Variants in SPTBN1 observed in about 807,000 individuals in gnomAD.
SPTBN1 encodes spectrin beta chain, non-erythrocytic 1.
A neutral mutation model predicts 266.4 loss-of-function variants in SPTBN1; 32 were observed. That is an observed-to-expected ratio of 0.12 (90% CI 0.09 to 0.16). The LOEUF (loss-of-function observed/expected upper bound fraction) is 0.16. Ranked by LOEUF, SPTBN1 falls within the 10% of genes least tolerant of loss-of-function variation. SPTBN1 has a pLI of 1.00. For missense variants in SPTBN1, 2,296 were observed against 3,067.1 expected, an observed-to-expected ratio of 0.75 and a Z score of 5.94; for synonymous variants, 1,336 against 1,162.2, an observed-to-expected ratio of 1.15 and a Z score of -3.04.
At chr2:54,611,829 A>T (rs530851019) in intron 3 of SPTBN1, among the ~76,000 whole-genome samples, 71 of 152,316 alleles carry the variant, frequency 4.7e-4, no homozygotes, top group African/African-American at 1.6e-3. Flanking sequence ...TGCAAAAAAA[A>T]AAAATTGTAT....
In SPTBN1 at chr2:54,664,716, G is replaced by A. The variant is rs1004104990; in HGVS notation, c.6659+25G>A. 1.2e-6 allele frequency: 2 copies of A among 1,608,742 alleles called. No individual in the cohort carries two copies. Among genetic ancestry groups the A allele is most frequent in the South Asian group, 2.2e-5 (2 of 90,988 alleles). On this transcript the variant is annotated intron_variant, in intron 33 of 35. Coordinates refer to ENST00000356805, the MANE Select transcript of SPTBN1 (RefSeq NM_003128.3). The surrounding 1 kb of genome is among the most constrained non-coding windows in gnomAD (Gnocchi z 5.6). ...GGTAACAGCAGCAGAGGCTGCCACA[G>A]TAAGATGGGAAGTCAGCCTGTGAAG...
intron 26 of SPTBN1, among the ~76,000 whole-genome samples, chr2:54,650,804 G>A (rs143576371): frequency 7.2e-5 from 11 of 152,320 alleles, no homozygotes; most frequent in African/African-American, 9.6e-5. Context: ...ATGAATGAGC[G>A]TAGCTGTGTT....
Position 54,557,699 on chromosome 2 carries a change from A to G in SPTBN1, c.148+31133A>G, listed in dbSNP as rs577237136. The G allele has an allele frequency of 7.1e-6, 7 of 984,854 alleles. No individual in the cohort carries two copies. In the African/African-American group the frequency reaches 1.0e-4, roughly 15 times the overall value. The allele number at this position is 984,854 out of a possible 1,614,324, so 61.0% of individuals were successfully genotyped here. A position where few individuals can be genotyped will look rare whatever the true frequency, so the allele number is the denominator to read the frequency against. ...ACCTTTTTCCCACAATGCCTTGCAA[A>G]TCGGTGCTCCCATAAATCTTCCTTG... On this transcript the variant is annotated intron_variant, in intron 2 of 35. Coordinates refer to ENST00000356805, the MANE Select transcript of SPTBN1 (RefSeq NM_003128.3).
chr2:54,572,979 G>T (rs1206935891), intron 2 of SPTBN1, among the ~76,000 whole-genome samples: 1 of 152,184 alleles, frequency 6.6e-6, no homozygotes, highest in African/African-American at 2.4e-5. Context: ...GTTTGCCACA[G>T]CGTGCTGGGA....
Position 54,655,929 on chromosome 2 carries a change from C to A in SPTBN1, c.5977C>A (p.Leu1993Met). 1.2e-6 allele frequency: 2 copies of A among 1,612,986 alleles called. No homozygotes were observed. Among genetic ancestry groups the A allele is most frequent in the Non-Finnish European group, 1.7e-6 (2 of 1,179,216 alleles). ...YASEEIKEKL[L>M]QLTEKRKEMI... ...TTTCATACAGATCAAGGAAAAATTA[C>A]TGCAGTTGACGGAAAAGAGGAAAGA... Residue 1993 changes from leucine to methionine, a missense_variant, in exon 29 of 36, where the codon CTG becomes ATG. By Grantham distance (15) the Leu-to-Met change is conservative. Coordinates refer to ENST00000356805, the MANE Select transcript of SPTBN1 (RefSeq NM_003128.3).
chr2:54,502,571 C>T (rs1669331387), intron 1 of SPTBN1, among the ~76,000 whole-genome samples: 1 of 152,050 alleles, frequency 6.6e-6, no homozygotes, highest in Non-Finnish European at 1.5e-5. Context: ...TCCCTGCCTA[C>T]TTTTCCTGCA....
intron 1 of SPTBN1, among the ~76,000 whole-genome samples, chr2:54,517,191 G>C (rs1218587080): frequency 6.6e-6 from 1 of 151,962 alleles, no homozygotes; most frequent in Non-Finnish European, 1.5e-5. Flanking sequence ...GAGATTTTCA[G>C]GCAACTCCGG....
intron 2 of SPTBN1, among the ~76,000 whole-genome samples, chr2:54,592,337 G>T (rs1675735393): frequency 6.6e-6 from 1 of 151,886 alleles, no homozygotes; most frequent in Non-Finnish European, 1.5e-5. Context: ...TAACCATTAA[G>T]CAAATGTGTT....
chr2:54,548,001 G>T (rs151217638), intron 2 of SPTBN1, among the ~76,000 whole-genome samples: 6 of 152,140 alleles, frequency 3.9e-5, no homozygotes, highest in African/African-American at 1.4e-4. Flanking sequence ...AAATTAGCCA[G>T]GCGTGGTGGC....
intron 1 of SPTBN1, among the ~76,000 whole-genome samples, chr2:54,505,584 G>A (rs1217031717): frequency 6.6e-6 from 1 of 152,116 alleles, no homozygotes; most frequent in Non-Finnish European, 1.5e-5. Flanking sequence ...GCACATACCT[G>A]CCAGGTGTGT....
intron 1 of SPTBN1, among the ~76,000 whole-genome samples, chr2:54,486,129 C>CCGGG (rs1668368248): frequency 6.7e-6 from 1 of 148,898 alleles, no homozygotes; most frequent in Admixed American, 6.7e-5. Flanking sequence ...GCCAGCCGCC[C>CCGGG]CGTCTGGGAG....
intron 2 of SPTBN1, among the ~76,000 whole-genome samples, chr2:54,581,458 G>T (rs993489404): frequency 6.6e-6 from 1 of 152,202 alleles, no homozygotes; most frequent in African/African-American, 2.4e-5. Flanking sequence ...GCTTTCCAGG[G>T]AATCATGGCT....
chr2:54,640,645 G>A (rs1043882188), intron 18 of SPTBN1, among the ~76,000 whole-genome samples: 7 of 152,044 alleles, frequency 4.6e-5, no homozygotes, highest in African/African-American at 1.7e-4. Context: ...CCCACCTCCC[G>A]GGTTCAAGCA....
At chr2:54,458,005 C>T (rs1693159368) in intron 1 of SPTBN1, among the ~76,000 whole-genome samples, 1 of 152,178 alleles carries the variant, frequency 6.6e-6, no homozygotes, top group Admixed American at 6.5e-5. Context: ...CAGTGGTGTG[C>T]GGAGGCAATG....
At chr2:54,579,139 C>T (rs1339539612) in intron 2 of SPTBN1, among the ~76,000 whole-genome samples, 1 of 152,140 alleles carries the variant, frequency 6.6e-6, no homozygotes, top group Non-Finnish European at 1.5e-5. Flanking sequence ...CCATTTTGTT[C>T]TTTTCAGAAT....
intron 1 of SPTBN1, among the ~76,000 whole-genome samples, chr2:54,458,647 C>T (rs948350623): frequency 6.6e-6 from 1 of 152,164 alleles, no homozygotes; most frequent in Admixed American, 6.5e-5. Context: ...AGATGGTTCC[C>T]AGTGTTCTCA....
intron 1 of SPTBN1, among the ~76,000 whole-genome samples, chr2:54,524,976 T>G (rs1670713139): frequency 6.6e-6 from 1 of 152,178 alleles, no homozygotes. Flanking sequence ...CTATCTTGCC[T>G]TTTCTTGTGT....
At chr2:54,473,539 C>T (rs1477201061) in intron 1 of SPTBN1, among the ~76,000 whole-genome samples, 2 of 151,824 alleles carry the variant, frequency 1.3e-5, no homozygotes, top group East Asian at 3.9e-4. Flanking sequence ...CACATACACA[C>T]ACATCCTTGG....
Position 54,664,353 on chromosome 2 carries a change from C to T in SPTBN1, c.6421-100C>T. 2 of 1,224,014 alleles carry T rather than the reference C, an allele frequency of 1.6e-6. No individual in the cohort carries two copies. Among genetic ancestry groups the T allele is most frequent in the Non-Finnish European group, 2.3e-6 (2 of 857,118 alleles). The allele number at this position is 1,224,014 out of a possible 1,614,324, so 75.8% of individuals were successfully genotyped here. A position where few individuals can be genotyped will look rare whatever the true frequency, so the allele number is the denominator to read the frequency against. ...TTTACTGTACTGCCTCGATCTGTGCCAGGCATTTATACACAGCCACATGTG... is the reference window on the plus strand; with the variant it reads ...TTTACTGTACTGCCTCGATCTGTGCTAGGCATTTATACACAGCCACATGTG... On this transcript the variant is annotated intron_variant, in intron 32 of 35. Coordinates refer to ENST00000356805, the MANE Select transcript of SPTBN1 (RefSeq NM_003128.3). The surrounding 1 kb of genome is among the most constrained non-coding windows in gnomAD (Gnocchi z 5.6).
Sources: allele counts gnomAD v4.1 joint callset (sites outside exome capture counted in the v4.1 genomes callset), GRCh38; gene constraint gnomAD v4.1.1; non-coding constraint Gnocchi (gnomAD v3.1); transcripts MANE v1.5; gene names NCBI Gene and HGNC (gene_info 2026-07-23, HGNC 2026-07-21).